The following RIF1 variants were observed in gnomAD, a reference collection of about 807,000 sequenced individuals.
The protein encoded by RIF1 is telomere-associated protein RIF1.
A neutral mutation model predicts 247.1 loss-of-function variants in RIF1; 45 were observed. The ratio of observed to expected loss-of-function variants is 0.18; its 90% confidence interval spans 0.14 to 0.23. RIF1 has a LOEUF of 0.23. RIF1 is among the 10% of genes least tolerant of loss of function. RIF1 has a pLI of 1.00. For synonymous variants in RIF1, 1,087 were observed against 978.8 expected, an observed-to-expected ratio of 1.11 and a Z score of -2.06; for missense variants, 2,967 against 2,862.5, an observed-to-expected ratio of 1.04 and a Z score of -0.83.
the RIF1 span, chr2:151,527,072 G>A: frequency 3.2e-6 from 4 of 1,257,564 alleles, no homozygotes; most frequent in African/African-American, 3.0e-5. Flanking sequence ...AGCACAGGAG[G>A]AAGCTGGGCA....
downstream of RIF1, chr2:151,512,943 C>A: frequency 1.4e-6 from 1 of 728,904 alleles, no homozygotes; most frequent in Non-Finnish European, 2.4e-6. Context: ...AAGAGGGACT[C>A]ATTCATTTGA....
intron 22 of RIF1, among the ~76,000 whole-genome samples, 174 bp downstream of exon 22, chr2:151,455,333 A>C (rs1695005690): frequency 6.6e-6 from 1 of 152,190 alleles, no homozygotes; most frequent in South Asian, 2.1e-4. Context: ...GAAATATGAG[A>C]GAGAAATTGG....
chr2:151,466,725 A>C (rs1396788284), intron 30 of RIF1, among the ~76,000 whole-genome samples: 1 of 151,728 alleles, frequency 6.6e-6, no homozygotes, highest in Non-Finnish European at 1.5e-5. Context: ...ATGAATGAAT[A>C]AAAAAATAGG....
chr2:151,502,798 T>A (rs769556522), intron 11 of RIF1: 1 of 1,591,726 alleles, frequency 6.3e-7, no homozygotes, highest in Non-Finnish European at 8.6e-7. Context: ...AATACCGAGC[T>A]AAAGTTCTCT....
At chr2:151,451,413 G>T (rs1376735671) in intron 20 of RIF1, among the ~76,000 whole-genome samples, 193 bp from the exon 21 acceptor site, 2 of 152,122 alleles carry the variant, frequency 1.3e-5, no homozygotes, top group Non-Finnish European at 2.9e-5. Context: ...AGATGAAATT[G>T]CCTGATGACC....
At chr2:151,497,120 T>G in intron 10 of RIF1, 1 of 1,456,112 alleles carries the variant, frequency 6.9e-7, no homozygotes, top group Non-Finnish European at 9.3e-7. Context: ...AGCTTCCTTG[T>G]TAAGACAAAA....
chr2:151,498,148 G>A (rs1044920428), intron 10 of RIF1: 1 of 1,530,174 alleles, frequency 6.5e-7, no homozygotes, highest in Non-Finnish European at 8.8e-7. Context: ...TGTAATATAA[G>A]ATGTATTAGA....
chr2:151,419,378 C>T (rs750908238), intron 6 of RIF1, among the ~76,000 whole-genome samples: 3 of 151,912 alleles, frequency 2.0e-5, no homozygotes, highest in East Asian at 1.9e-4. Flanking sequence ...CAGGCTGGAG[C>T]GCAGTGGTGA....
intron 9 of RIF1, chr2:151,491,597 G>A: frequency 8.8e-7 from 1 of 1,139,246 alleles, no homozygotes; most frequent in South Asian, 1.3e-5. Flanking sequence ...CTGGAGGGAA[G>A]GAACTTCAGA....
Position 151,409,977 on chromosome 2 carries a change from G to T in RIF1, c.-67G>T. On this transcript the variant is annotated 5_prime_UTR_variant, in exon 1 of 36. Coordinates refer to ENST00000444746, the MANE Select transcript of RIF1 (RefSeq NM_018151.5). ...CCGGAGCTGGGAAAGTCGAGCTCTG[G>T]CAGCGTCTGGGTGCTGAGGGGCAGA... 1.4e-6 allele frequency: 1 copy of T among 702,198 alleles called. No homozygotes were observed. The highest frequency in any genetic ancestry group is 1.5e-5 in the South Asian group (1 of 67,274). The allele number at this position is 702,198 out of a possible 1,614,324, so 43.5% of individuals were successfully genotyped here.
the RIF1 span, chr2:151,529,174 T>A: frequency 1.1e-4 from 148 of 1,403,036 alleles, no homozygotes; most frequent in East Asian, 3.3e-3. Context: ...AGCTGGTAAA[T>A]CCCCCACCAT....
chr2:151,502,564 C>T (rs1412061824), intron 11 of RIF1, among the ~76,000 whole-genome samples: 1 of 151,962 alleles, frequency 6.6e-6, no homozygotes, highest in Non-Finnish European at 1.5e-5. Context: ...AGGAAGAAAA[C>T]AGAGTATTAC....
At chr2:151,453,723 A>G (rs1015260704) in intron 21 of RIF1, among the ~76,000 whole-genome samples, 6 of 151,872 alleles carry the variant, frequency 4.0e-5, no homozygotes, top group African/African-American at 1.5e-4. Context: ...TTTTCAATTC[A>G]TTATTTTCCC....
intron 23 of RIF1, among the ~76,000 whole-genome samples, chr2:151,457,392 G>A (rs1359090504): frequency 6.6e-6 from 1 of 152,142 alleles, no homozygotes; most frequent in Non-Finnish European, 1.5e-5. Context: ...CAAAGTGCTG[G>A]GATTACAGGC....
chr2:151,517,955 C>T, the RIF1 span, among the ~76,000 whole-genome samples: 1 of 152,048 alleles, frequency 6.6e-6, no homozygotes, highest in Non-Finnish European at 1.5e-5. Flanking sequence ...TAGACCTGAT[C>T]GTATCACTTC....
At chr2:151,522,819 C>T in the RIF1 span, among the ~76,000 whole-genome samples, 1 of 152,156 alleles carries the variant, frequency 6.6e-6, no homozygotes, top group African/African-American at 2.4e-5. Context: ...TCTCCTTTGG[C>T]CTTTGAGGTA....
At chr2:151,493,348 A>G in intron 9 of RIF1, 1 of 1,601,130 alleles carries the variant, frequency 6.2e-7, no homozygotes, top group African/African-American at 1.3e-5. Flanking sequence ...AGTCCTAGAA[A>G]ATACCGAGCT....
intron 7 of RIF1, among the ~76,000 whole-genome samples, chr2:151,420,711 GGTGACAGAATGAGACCCT>G (rs1558938444): frequency 6.7e-6 from 1 of 148,794 alleles, no homozygotes; most frequent in African/African-American, 2.5e-5. Context: ...TTCTAGCCTG[GGTGACAGAATGAGACCCT>G]GTCTCAAAAA....
At chr2:151,416,942 A>C (rs773404719) in intron 6 of RIF1, 41 bp downstream of exon 6, 1 of 1,490,808 alleles carries the variant, frequency 6.7e-7, no homozygotes, top group Admixed American at 1.8e-5. Flanking sequence ...AATAGTTTTC[A>C]TAAATTTAGC....
Sources: allele counts gnomAD v4.1 joint callset (sites outside exome capture counted in the v4.1 genomes callset), GRCh38; gene constraint gnomAD v4.1.1; transcripts MANE v1.5; gene names NCBI Gene and HGNC (gene_info 2026-07-23, HGNC 2026-07-21).